ECD: variants seen among roughly 807,000 people sequenced by gnomAD.
ECD encodes ecdysoneless cell cycle regulator.
In ECD, 59 loss-of-function variants were observed where a neutral mutation model predicts 77.2. That is an observed-to-expected ratio of 0.76 (90% CI 0.62 to 0.95). The LOEUF (loss-of-function observed/expected upper bound fraction) is 0.95, where lower values mean the gene tolerates loss of function less well. Among genes scored for constraint, ECD ranks in the 40% least tolerant of loss-of-function variants. ECD has a pLI of 0.00. For missense variants in ECD, 704 were observed against 763.4 expected (o/e 0.92, Z 0.92); for synonymous variants, 233 against 267.4 (o/e 0.87, Z 1.26).
intron 9 of ECD, among the ~76,000 whole-genome samples, chr10:73,142,820 T>C (rs1843076311): frequency 6.6e-6 from 1 of 152,144 alleles, no homozygotes; most frequent in African/African-American, 2.4e-5. Flanking sequence ...CTGTCTGTCC[T>C]TTTGCTGGAA....
chr10:73,163,783 G>GCT lies in ECD; in HGVS notation c.154_155insAG (p.Pro52GlnfsTer28). The GCT allele has an allele frequency of 6.2e-7, 1 of 1,614,060 alleles. No individual in the cohort carries two copies. Among genetic ancestry groups the GCT allele is most frequent in the Non-Finnish European group, 8.5e-7 (1 of 1,180,016 alleles). ...GAAAGGCTGATTCTGCCAGATGTAG[G>GCT]GGACCAGCATAGGTGCAAACCGAGT... On this transcript the variant is annotated frameshift_variant, in exon 2 of 14. Transcript: ENST00000372979. LOFTEE classifies it high-confidence loss of function.
chr10:73,136,924 C>G lies in ECD; in HGVS notation c.1490-6G>C, dbSNP rs1842980531. 5 of 1,497,684 alleles carry G rather than the reference C, an allele frequency of 3.3e-6. No individual in the cohort carries two copies. The highest frequency in any genetic ancestry group is 4.5e-6 in the Non-Finnish European group (5 of 1,117,780). 92.8% of individuals were successfully genotyped at this position (1,497,684 alleles called of 1,614,324 possible). A position where few individuals can be genotyped will look rare whatever the true frequency, so the allele number is the denominator to read the frequency against. On this transcript the variant is annotated splice_polypyrimidine_tract_variant and splice_region_variant and intron_variant, in intron 12 of 13. Transcript: ENST00000372979. Reference sequence around the variant, plus strand: ...TGACTCATTAGGCCTTGGCCCTACACAGATCCCAAGAAAGAAAGAGCCACT... The same window carrying G: ...TGACTCATTAGGCCTTGGCCCTACAGAGATCCCAAGAAAGAAAGAGCCACT...
intron 13 of ECD, among the ~76,000 whole-genome samples, chr10:73,136,056 A>G (rs577159008): frequency 5.2e-4 from 79 of 152,322 alleles, no homozygotes; most frequent in African/African-American, 1.8e-3. Flanking sequence ...TTACTGGTTT[A>G]TAGATACATT....
chr10:73,158,907 A>G (rs1265372488), intron 3 of ECD, among the ~76,000 whole-genome samples: 2 of 151,954 alleles, frequency 1.3e-5, no homozygotes, highest in Non-Finnish European at 2.9e-5. Flanking sequence ...AATTTAAAAC[A>G]TTTAAAAATT....
chr10:73,166,883 T>C (rs1004286183), intron 1 of ECD, among the ~76,000 whole-genome samples: 2 of 152,242 alleles, frequency 1.3e-5, no homozygotes, highest in African/African-American at 4.8e-5. Flanking sequence ...AGGAAATCTT[T>C]GCCCACTCTA....
At chr10:73,151,314 G>A (rs949532308) in intron 7 of ECD, among the ~76,000 whole-genome samples, 5 of 148,308 alleles carry the variant, frequency 3.4e-5, no homozygotes, top group African/African-American at 1.2e-4. Context: ...CTCATAGGTG[G>A]GGAATTGAAC....
chr10:73,153,555 G>A (rs534082953), intron 6 of ECD, among the ~76,000 whole-genome samples: 3 of 151,232 alleles, frequency 2.0e-5, no homozygotes, highest in Non-Finnish European at 4.4e-5. Flanking sequence ...TGGCCAACAT[G>A]GCGAAACACC....
intron 3 of ECD, among the ~76,000 whole-genome samples, chr10:73,158,082 T>C (rs1843323670): frequency 6.6e-6 from 1 of 152,046 alleles, no homozygotes; most frequent in Non-Finnish European, 1.5e-5. Context: ...TGCCTCAGCC[T>C]CCCGAGTAGC....
intron 11 of ECD, 68 bp from the exon 12 acceptor site, chr10:73,138,138 G>A: frequency 8.5e-7 from 1 of 1,172,930 alleles, no homozygotes; most frequent in South Asian, 2.3e-5. Context: ...TTTCTAAAGT[G>A]GTGCCATTCT....
chr10:73,140,738 G>A (rs1843045395), intron 9 of ECD, among the ~76,000 whole-genome samples: 1 of 151,576 alleles, frequency 6.6e-6, no homozygotes, highest in East Asian at 1.9e-4. Context: ...CTACACAATT[G>A]GCCTTCCTTT....
At chr10:73,166,421 G>A (rs1003298628) in intron 1 of ECD, among the ~76,000 whole-genome samples, 1 of 152,306 alleles carries the variant, frequency 6.6e-6, no homozygotes, top group African/African-American at 2.4e-5. Flanking sequence ...CATAGTGACT[G>A]CACTAATTTA....
chr10:73,159,168 G>A (rs1304843952), intron 3 of ECD, among the ~76,000 whole-genome samples: 1 of 152,082 alleles, frequency 6.6e-6, no homozygotes. Flanking sequence ...AGGTTGAGTG[G>A]GTAAAAAAAG....
chr10:73,149,542 C>T (rs1452508207), intron 7 of ECD, among the ~76,000 whole-genome samples: 1 of 152,154 alleles, frequency 6.6e-6, no homozygotes, highest in Non-Finnish European at 1.5e-5. Flanking sequence ...CAATAAATTA[C>T]ATGACATATT....
At chr10:73,137,922 A>G in intron 12 of ECD, 81 bp downstream of exon 12, 1 of 1,047,844 alleles carries the variant, frequency 9.5e-7, no homozygotes. Flanking sequence ...GGCTTCTGAG[A>G]TATCTCATAA....
rs1325694501 is a variant in ECD at position 73,163,840 on chromosome 10, T to C, written c.98A>G (p.Glu33Gly). 2 of 1,614,162 alleles carry C rather than the reference T, an allele frequency of 1.2e-6. No homozygotes were observed. The highest frequency in any genetic ancestry group is 1.7e-6 in the Non-Finnish European group (2 of 1,180,024). Residue 33 changes from glutamate to glycine, a missense_variant, in exon 2 of 14, where the codon GAG becomes GGG. Physicochemically the swap from Glu to Gly is moderately conservative, Grantham distance 98. Coordinates refer to ENST00000372979, the MANE Select transcript of ECD (RefSeq NM_007265.3). ...DESRDSDKHK[E>G]ILQKYIERII... ...TCTCTCAATGTACTTCTGAAGAATC[T>C]CTTTATGTTTATCTGAGTCCCTTGA...
chr10:73,141,572 A>T (rs1255691415), intron 9 of ECD: 3 of 152,348 alleles, frequency 2.0e-5, no homozygotes, highest in African/African-American at 7.2e-5. Flanking sequence ...CTTAACTCAA[A>T]TACCTCCTCC....
At chr10:73,159,642 A>ATTTTTTTTTTTTTTTTTTTTT (rs1169258127) in intron 3 of ECD, among the ~76,000 whole-genome samples, 1 of 123,632 alleles carries the variant, frequency 8.1e-6, no homozygotes, top group African/African-American at 3.3e-5. Context: ...CAGTACTTTA[A>ATTTTTTTTTTTTTTTTTTTTT]TTTTTTTTTT....
chr10:73,141,325 A>C (rs1343630612), intron 9 of ECD: 1 of 150,116 alleles, frequency 6.7e-6, no homozygotes, highest in Non-Finnish European at 1.4e-5. Context: ...AACACAGTGA[A>C]ACCCCGTCTC....
chr10:73,136,751 G>A lies in ECD; in HGVS notation c.1657C>T (p.Leu553=), dbSNP rs1564658795. Residue 553 remains leucine (L), a synonymous_variant, in exon 13 of 14, where the codon CTA becomes TTA. Coordinates refer to ENST00000372979, the MANE Select transcript of ECD (RefSeq NM_007265.3). The stretch of plus-strand genomic sequence containing the variant: ...CTTTTGCTGATGCAGGTGTGTGCTA[G>A]TTCCTGGTCCATCTGGGCCATGTAT... The part of the protein sequence containing the change: ...KSYMAQMDQE[L]AHTCISKSFT... The A allele has an allele frequency of 6.2e-7, 1 of 1,613,976 alleles. No homozygotes were observed. The highest frequency in any genetic ancestry group is 8.5e-7 in the Non-Finnish European group (1 of 1,180,000).
Sources: allele counts gnomAD v4.1 joint callset (sites outside exome capture counted in the v4.1 genomes callset), GRCh38; gene constraint gnomAD v4.1.1; transcripts MANE v1.5; gene names NCBI Gene and HGNC (gene_info 2026-07-23, HGNC 2026-07-21).